Variants in RIMBP2 observed in about 807,000 individuals in gnomAD.
RIMBP2 encodes the protein RIMS binding protein 2.
Under a neutral mutation model 118.6 loss-of-function variants are expected in RIMBP2, and 48 were observed. That is an observed-to-expected ratio of 0.40 (90% CI 0.32 to 0.51). The LOEUF (loss-of-function observed/expected upper bound fraction) is 0.51. Among genes scored for constraint, RIMBP2 ranks in the 20% least tolerant of loss-of-function variants. RIMBP2 has a pLI of 0.41. For missense variants in RIMBP2, 1,551 were observed against 1,768.3 expected (o/e 0.88, Z 2.20); for synonymous variants, 762 against 742.9 (o/e 1.03, Z -0.42).
chr12:130,420,351 G>C lies in RIMBP2; in HGVS notation c.3238+2102C>G, dbSNP rs1474673040. 6.6e-6 allele frequency among the ~76,000 whole-genome samples: 1 copy of C among 151,660 alleles called. No homozygotes were observed. Among genetic ancestry groups the C allele is most frequent in the Non-Finnish European group, 1.5e-5 (1 of 67,992 alleles). The stretch of plus-strand genomic sequence containing the variant: ...GCACAATTAAAGCAAACCTATCATA[G>C]GTTTGTCAGTTAACTCTTTTCTGAG... On this transcript the variant is annotated intron_variant, in intron 17 of 22. Transcript: ENST00000690449. The surrounding 1 kb of genome is among the most constrained non-coding windows in gnomAD (Gnocchi z 4.3).
At chr12:130,583,420 AT>A (rs2058603774) in intron 2 of RIMBP2, among the ~76,000 whole-genome samples, 4 of 150,244 alleles carry the variant, frequency 2.7e-5, no homozygotes, top group African/African-American at 9.8e-5. Context: ...CATCATCATC[AT>A]CATCACCTTC....
chr12:130,564,252 C>T (rs952823730), intron 2 of RIMBP2, among the ~76,000 whole-genome samples: 4 of 152,178 alleles, frequency 2.6e-5, no homozygotes, highest in East Asian at 1.9e-4. Flanking sequence ...TTTCATCCGA[C>T]GCCACCCTGA....
chr12:130,604,213 G>T lies in RIMBP2; in HGVS notation c.-217+24109C>A, dbSNP rs367750099. The stretch of plus-strand genomic sequence containing the variant: ...TTATGGAATAAGGATATAAAGAAAA[G>T]GATTTTTGTGCAGCTGTGCAATGTC... On this transcript the variant is annotated intron_variant, in intron 2 of 22. Transcript: ENST00000690449. Among the ~76,000 whole-genome samples, 486 of 151,112 alleles carry T rather than the reference G, an allele frequency of 3.2e-3. 2 individuals are homozygous for T. Among genetic ancestry groups the T allele is most frequent in the African/African-American group, 0.011 (454 of 41,162 alleles).
intron 1 of RIMBP2, among the ~76,000 whole-genome samples, chr12:130,639,306 T>C (rs1301062284): frequency 6.6e-6 from 1 of 151,026 alleles, no homozygotes; most frequent in Non-Finnish European, 1.5e-5. Context: ...GGAGAATCGT[T>C]TGAACCCGGG....
At chr12:130,638,020 G>T (rs1026921227) in intron 1 of RIMBP2, among the ~76,000 whole-genome samples, 6 of 152,120 alleles carry the variant, frequency 3.9e-5, no homozygotes, top group Non-Finnish European at 1.5e-5. Context: ...AGCCCCAGCT[G>T]CTTTGGTATA....
At chr12:130,664,454 C>CACGTGCATGCACACACACAT (rs2063826678) in intron 1 of RIMBP2, among the ~76,000 whole-genome samples, 1 of 74,124 alleles carries the variant, frequency 1.3e-5, no homozygotes, top group Non-Finnish European at 3.9e-5. Context: ...CACGCACACA[C>CACGTGCATGCACACACACAT]ATGCACGCAC....
intron 4 of RIMBP2, among the ~76,000 whole-genome samples, chr12:130,492,184 C>T (rs536253889): frequency 7.9e-5 from 12 of 152,190 alleles, no homozygotes; most frequent in Non-Finnish European, 1.3e-4. Flanking sequence ...GATTTGCTTT[C>T]ACCCAGCACC....
At chr12:130,437,426 G>T in intron 12 of RIMBP2, 135 bp from the exon 13 acceptor site, 2 of 716,112 alleles carry the variant, frequency 2.8e-6, no homozygotes, top group Non-Finnish European at 2.3e-6. Context: ...CCAACCACCC[G>T]CCAGGTATGG....
At position 130,601,201 on chromosome 12, in the gene RIMBP2, C is replaced by G. The variant is rs115004924; in HGVS notation, c.-217+27121G>C. Among the ~76,000 whole-genome samples the G allele has an allele frequency of 9.1e-3, 1,384 of 152,172 alleles. 23 individuals are homozygous for G. Among genetic ancestry groups the G allele is most frequent in the African/African-American group, 0.032 (1,340 of 41,520 alleles). On this transcript the variant is annotated intron_variant, in intron 2 of 22. Coordinates refer to ENST00000690449, the MANE Select transcript of RIMBP2 (RefSeq NM_001393629.1). ...ACCAACCAGAAGGACGACCAGTAATCAAGATCACAAGCTAAAACTGAGTTA... is the reference window on the plus strand; with the variant it reads ...ACCAACCAGAAGGACGACCAGTAATGAAGATCACAAGCTAAAACTGAGTTA...
chr12:130,537,500 C>T (rs566283463), intron 2 of RIMBP2, among the ~76,000 whole-genome samples: 31 of 152,302 alleles, frequency 2.0e-4, no homozygotes, highest in Admixed American at 1.4e-3. Context: ...CATTAGCAAA[C>T]GACTTAACCT....
intron 2 of RIMBP2, among the ~76,000 whole-genome samples, chr12:130,602,160 G>T (rs951717057): frequency 6.6e-6 from 1 of 152,192 alleles, no homozygotes; most frequent in Non-Finnish European, 1.5e-5. Flanking sequence ...AAAGAAAAAA[G>T]AAATATTTAT....
intron 10 of RIMBP2, among the ~76,000 whole-genome samples, chr12:130,443,774 G>A (rs944652627): frequency 9.9e-5 from 15 of 152,134 alleles, no homozygotes; most frequent in Admixed American, 5.2e-4. Flanking sequence ...TGATGGTGAC[G>A]GTGATGATGA....
chr12:130,483,696 C>T (rs1454535264), intron 4 of RIMBP2, among the ~76,000 whole-genome samples: 1 of 139,262 alleles, frequency 7.2e-6, no homozygotes, highest in Non-Finnish European at 1.5e-5. Context: ...GTGCCCGGAG[C>T]CCCCATCCCT....
rs1258225895 is a variant in RIMBP2, at chr12:130,525,235, C to G, written c.-216-7318G>C. Among the ~76,000 whole-genome samples the G allele has an allele frequency of 6.6e-6, 1 of 152,182 alleles. No individual in the cohort carries two copies. The highest frequency in any genetic ancestry group is 1.5e-5 in the Non-Finnish European group (1 of 68,034). The stretch of plus-strand genomic sequence containing the variant: ...CAGGCTTTTCTAGGAGCTGAGTGAC[C>G]AGAGCCTTGAGAGTGGGGACCGGCA... On this transcript the variant is annotated intron_variant, in intron 2 of 22. Transcript: ENST00000690449. This position sits in a 1 kb window ranked among gnomAD's most constrained non-coding sequence, Gnocchi z 4.4.
intron 1 of RIMBP2, among the ~76,000 whole-genome samples, chr12:130,664,406 C>CGCAT (rs1566438901): frequency 4.4e-5 from 4 of 90,690 alleles, no homozygotes; most frequent in Admixed American, 1.0e-4. Context: ...CACGCACGCA[C>CGCAT]GCACGCACAC....
chr12:130,482,077 G>A (rs554027036), intron 4 of RIMBP2, among the ~76,000 whole-genome samples: 6 of 152,040 alleles, frequency 3.9e-5, no homozygotes, highest in Admixed American at 2.6e-4. Flanking sequence ...GGGATTCCCC[G>A]AGCTCCTGAG....
rs577838406 is a variant in RIMBP2, at chr12:130,521,941, C to T, written c.-216-4024G>A. Among the ~76,000 whole-genome samples, 26 of 152,282 alleles carry T rather than the reference C, an allele frequency of 1.7e-4. No individual in the cohort carries two copies. The South Asian group carries it at 2.7e-3, about 16-fold the overall frequency. On this transcript the variant is annotated intron_variant, in intron 2 of 22. Coordinates refer to ENST00000690449, the MANE Select transcript of RIMBP2 (RefSeq NM_001393629.1). The stretch of plus-strand genomic sequence containing the variant: ...TTAGGGTTTCCCAGCCAGTGGATGC[C>T]CTCATGAGACAGAGCCTACCCTGTA...
intron 4 of RIMBP2, among the ~76,000 whole-genome samples, chr12:130,495,278 G>A (rs376921726): frequency 6.6e-6 from 1 of 152,194 alleles, no homozygotes; most frequent in East Asian, 1.9e-4. Flanking sequence ...CATGCCTCTG[G>A]ACACCTGCCC....
intron 2 of RIMBP2, among the ~76,000 whole-genome samples, chr12:130,547,429 T>C (rs1439106027): frequency 1.3e-5 from 2 of 152,228 alleles, no homozygotes; most frequent in East Asian, 1.9e-4. Flanking sequence ...GGCAGCCTGT[T>C]TTCTCACTAT....
Sources: allele counts gnomAD v4.1 joint callset (sites outside exome capture counted in the v4.1 genomes callset), GRCh38; gene constraint gnomAD v4.1.1; non-coding constraint Gnocchi (gnomAD v3.1); transcripts MANE v1.5; gene names NCBI Gene and HGNC (gene_info 2026-07-23, HGNC 2026-07-21).